Variants in ELAVL2 observed in about 807,000 individuals in gnomAD.
The protein encoded by ELAVL2 is ELAV like RNA binding protein 2.
ELAVL2 carries 4 observed loss-of-function variants against 34.6 expected under a neutral mutation model. That is an observed-to-expected ratio of 0.12 (90% CI 0.06 to 0.26). The LOEUF (loss-of-function observed/expected upper bound fraction) is 0.26. Among genes scored for constraint, ELAVL2 ranks in the 10% least tolerant of loss-of-function variants. The pLI, the probability that ELAVL2 is intolerant of heterozygous loss-of-function variation, is 1.00. For missense variants in ELAVL2, 432 were observed against 442.8 expected (o/e 0.98, Z 0.22); for synonymous variants, 193 against 154.8 (o/e 1.25, Z -1.83).
intron 1 of ELAVL2, among the ~76,000 whole-genome samples, chr9:23,790,200 A>C (rs959385679): frequency 9.9e-5 from 15 of 152,178 alleles, no homozygotes; most frequent in African/African-American, 3.6e-4. Context: ...AACAGGTGTA[A>C]TGAATACCAG....
chr9:23,777,387 G>T (rs1403082962), intron 1 of ELAVL2, among the ~76,000 whole-genome samples: 1 of 152,022 alleles, frequency 6.6e-6, no homozygotes, highest in Non-Finnish European at 1.5e-5. Context: ...CTATTTTAAA[G>T]AGTTCCTTGA....
chr9:23,698,222 T>C lies in ELAVL2; in HGVS notation c.713+3157A>G, dbSNP rs1376462866. The stretch of plus-strand genomic sequence containing the variant: ...AAAAATTTGGCTTAAAGTTTAATTC[T>C]GATATCATGTCCCAAGAATATACTT... On this transcript the variant is annotated intron_variant, in intron 5 of 6. Coordinates refer to ENST00000397312, the MANE Select transcript of ELAVL2 (RefSeq NM_004432.5). Among the ~76,000 whole-genome samples the C allele has an allele frequency of 2.0e-5, 3 of 152,214 alleles. No individual in the cohort carries two copies. The East Asian group carries it at 5.8e-4, about 29-fold the overall frequency.
intron 1 of ELAVL2, chr9:23,783,567 A>G: frequency 1.1e-6 from 1 of 893,096 alleles, no homozygotes; most frequent in Non-Finnish European, 1.3e-6. Flanking sequence ...AAGGACACAG[A>G]AGAAAACAGA....
At chr9:23,758,110 C>G (rs1239897378) in intron 2 of ELAVL2, among the ~76,000 whole-genome samples, 1 of 151,972 alleles carries the variant, frequency 6.6e-6, no homozygotes, top group Non-Finnish European at 1.5e-5. Context: ...CAACTGCTTC[C>G]CAGGAGGTAG....
chr9:23,774,192 A>G (rs1328032449), intron 1 of ELAVL2, among the ~76,000 whole-genome samples: 2 of 143,630 alleles, frequency 1.4e-5, no homozygotes, highest in African/African-American at 2.6e-5. Flanking sequence ...AGCCTGGGCA[A>G]AAGTGCGAGA....
At chr9:23,774,535 C>T (rs2057891690) in intron 1 of ELAVL2, among the ~76,000 whole-genome samples, 1 of 152,068 alleles carries the variant, frequency 6.6e-6, no homozygotes, top group South Asian at 2.1e-4. Context: ...TTTTTAACCC[C>T]AGACCTCCAA....
chr9:23,697,829 A>G (rs535857823), intron 5 of ELAVL2, among the ~76,000 whole-genome samples: 1 of 152,150 alleles, frequency 6.6e-6, no homozygotes, highest in East Asian at 1.9e-4. Context: ...TAAGTTATTG[A>G]TGGGTAAGAA....
At chr9:23,775,066 A>G (rs2057977461) in intron 1 of ELAVL2, among the ~76,000 whole-genome samples, 1 of 152,208 alleles carries the variant, frequency 6.6e-6, no homozygotes, top group East Asian at 1.9e-4. Context: ...GAAAAATAGA[A>G]AAGGAACTTT....
intron 1 of ELAVL2, chr9:23,779,454 G>A (rs2058733831): frequency 2.0e-6 from 2 of 977,318 alleles, no homozygotes; most frequent in Non-Finnish European, 2.4e-6. Context: ...ATGAAAGCTA[G>A]AGAGTGGGTG....
intron 1 of ELAVL2, among the ~76,000 whole-genome samples, chr9:23,765,410 C>G (rs1278499590): frequency 1.3e-5 from 2 of 151,990 alleles, no homozygotes; most frequent in Admixed American, 6.6e-5. Context: ...TAAAATAAAG[C>G]AAAATACTGC....
intron 4 of ELAVL2, among the ~76,000 whole-genome samples, chr9:23,703,634 G>A (rs1296544377): frequency 1.3e-5 from 2 of 152,110 alleles, no homozygotes; most frequent in Non-Finnish European, 2.9e-5. Flanking sequence ...CAACTAAATG[G>A]ATCTTCACTT....
At chr9:23,739,880 T>C (rs1223384139) in intron 2 of ELAVL2, among the ~76,000 whole-genome samples, 1 of 152,088 alleles carries the variant, frequency 6.6e-6, no homozygotes, top group African/African-American at 2.4e-5. Context: ...GATCATTTTT[T>C]AACTCAGATA....
At position 23,691,885 on chromosome 9, in the gene ELAVL2, T is replaced by C. The variant is rs1436673464; in HGVS notation, c.*672A>G. Reference sequence around the variant, plus strand: ...CAGTAAAAAGTTTCTCCAAATTTTCTTTTTTATAAAAATAGATGCTTTTTT... The same window carrying C: ...CAGTAAAAAGTTTCTCCAAATTTTCCTTTTTATAAAAATAGATGCTTTTTT... On this transcript the variant is annotated 3_prime_UTR_variant, in exon 7 of 7. Transcript: ENST00000397312. 1 of 152,576 alleles carries C rather than the reference T, an allele frequency of 6.6e-6. No individual in the cohort carries two copies. The highest frequency in any genetic ancestry group is 6.6e-5 in the Admixed American group (1 of 15,262). The allele number at this position is 152,576 out of a possible 1,614,324, so 9.5% of individuals were successfully genotyped here.
At chr9:23,759,789 T>TATATATATATATATATATAA (rs1351880472) in intron 2 of ELAVL2, among the ~76,000 whole-genome samples, 1 of 106,410 alleles carries the variant, frequency 9.4e-6, no homozygotes, top group African/African-American at 3.1e-5. Flanking sequence ...TATATATATA[T>TATATATATATATATATATAA]AATGTATAGA....
intron 1 of ELAVL2, among the ~76,000 whole-genome samples, chr9:23,786,394 T>C (rs1262327410): frequency 6.6e-6 from 1 of 152,074 alleles, no homozygotes; most frequent in Non-Finnish European, 1.5e-5. Context: ...AGGACATGAA[T>C]GACTTAGCAA....
intron 1 of ELAVL2, among the ~76,000 whole-genome samples, chr9:23,819,846 G>C (rs1466495563): frequency 1.3e-5 from 2 of 152,120 alleles, no homozygotes; most frequent in Non-Finnish European, 2.9e-5. Context: ...TTATCTTCCA[G>C]ATGTTTTCTT....
chr9:23,831,049 A>G (rs527889308), upstream of ELAVL2, among the ~76,000 whole-genome samples: 39 of 152,206 alleles, frequency 2.6e-4, no homozygotes, highest in Non-Finnish European at 4.4e-4. Context: ...TAAAAATAAC[A>G]GTTTCCAAAG....
intron 2 of ELAVL2, among the ~76,000 whole-genome samples, chr9:23,744,735 G>A (rs1465836308): frequency 2.6e-5 from 4 of 150,948 alleles, no homozygotes; most frequent in African/African-American, 7.3e-5. Context: ...TATCCTTCTC[G>A]CGCACCCCCC....
At chr9:23,780,203 TTAATAGTAAATTA>T (rs1378559846) in intron 1 of ELAVL2, among the ~76,000 whole-genome samples, 1 of 151,972 alleles carries the variant, frequency 6.6e-6, no homozygotes, top group Non-Finnish European at 1.5e-5. Context: ...ACAGTTGGTA[TTAATAGTAAATTA>T]TAATAATCAT....
Sources: gnomAD v4.1 joint callset for allele counts (sites outside exome capture counted in the v4.1 genomes callset) on GRCh38, gnomAD v4.1.1 for gene constraint, MANE v1.5 for transcripts, NCBI Gene and HGNC (gene_info 2026-07-23, HGNC 2026-07-21) for gene names.